Variants in BRIP1 observed in about 807,000 individuals in gnomAD.
BRIP1 encodes Fanconi anemia group J protein.
A neutral mutation model predicts 119.7 loss-of-function variants in BRIP1; 88 were observed. The ratio of observed to expected loss-of-function variants is 0.74; its 90% confidence interval spans 0.62 to 0.88. The LOEUF (loss-of-function observed/expected upper bound fraction) is 0.88, where lower values mean the gene tolerates loss of function less well. BRIP1 is among the 40% of genes least tolerant of loss of function. The pLI is 0.00. For missense variants in BRIP1, 1,259 were observed against 1,455.4 expected, an observed-to-expected ratio of 0.87 and a Z score of 2.20; for synonymous variants, 443 against 496.5, an observed-to-expected ratio of 0.89 and a Z score of 1.43.
In BRIP1 at chr17:61,780,737, C is replaced by T; in HGVS notation, c.1794+103G>A. The T allele has an allele frequency of 1.4e-6, 2 of 1,388,772 alleles. No individual in the cohort carries two copies. The highest frequency in any genetic ancestry group is 2.0e-6 in the Non-Finnish European group (2 of 981,268). 86.0% of individuals were successfully genotyped at this position (1,388,772 alleles called of 1,614,324 possible). A position where few individuals can be genotyped will look rare whatever the true frequency, so the allele number is the denominator to read the frequency against. Reference sequence around the variant, plus strand: ...GCAAGACCCTGCCTCAAAACAACAACAACAACAACAACAAACAACTATCTT... The same window carrying T: ...GCAAGACCCTGCCTCAAAACAACAATAACAACAACAACAAACAACTATCTT... On this transcript the variant is annotated intron_variant, in intron 12 of 19. Transcript: ENST00000259008. The surrounding 1 kb of genome is among the most constrained non-coding windows in gnomAD (Gnocchi z 5.4).
chr17:61,800,507 T>A (rs1242824230), intron 8 of BRIP1, among the ~76,000 whole-genome samples: 6 of 152,198 alleles, frequency 3.9e-5, no homozygotes, highest in African/African-American at 1.4e-4. Flanking sequence ...CAGGTCAGAC[T>A]ATTGAGCATC....
At position 61,844,796 on chromosome 17, in the gene BRIP1, G is replaced by A. The variant is rs1408795385; in HGVS notation, c.627+2305C>T. ...GATTAGGGCATTTGCCAGAACATGA[G>A]AATGCCTAGGCAGGATTTAGCTCTA... On this transcript the variant is annotated intron_variant, in intron 6 of 19. Coordinates refer to ENST00000259008, the MANE Select transcript of BRIP1 (RefSeq NM_032043.3). The surrounding 1 kb of genome is among the most constrained non-coding windows in gnomAD (Gnocchi z 4.7). Among the ~76,000 whole-genome samples the A allele has an allele frequency of 6.6e-6, 1 of 152,220 alleles. No individual in the cohort carries two copies. The highest frequency in any genetic ancestry group is 1.9e-4 in the East Asian group (1 of 5,204).
In BRIP1 at chr17:61,724,817, C is replaced by G. The variant is rs1416901589; in HGVS notation, c.2380-8754G>C. ...AAACTCTGCTTCAGAAAAATAAACA[C>G]ATTTGTCTAGCAAACACTTGAGTAG... On this transcript the variant is annotated intron_variant, in intron 16 of 19. Transcript: ENST00000259008. The surrounding 1 kb of genome is among the most constrained non-coding windows in gnomAD (Gnocchi z 5.1). Among the ~76,000 whole-genome samples the G allele has an allele frequency of 1.3e-5, 2 of 152,116 alleles. No homozygotes were observed. Among genetic ancestry groups the G allele is most frequent in the Non-Finnish European group, 2.9e-5 (2 of 67,996 alleles).
At chr17:61,766,663 G>A (rs1022361057) in intron 14 of BRIP1, among the ~76,000 whole-genome samples, 1 of 152,092 alleles carries the variant, frequency 6.6e-6, no homozygotes, top group Admixed American at 6.6e-5. Context: ...TACAGCTAGA[G>A]AGTGAACAGG....
intron 11 of BRIP1, among the ~76,000 whole-genome samples, chr17:61,783,122 T>C (rs1288260878): frequency 1.3e-5 from 2 of 152,160 alleles, no homozygotes; most frequent in African/African-American, 2.4e-5. Flanking sequence ...TTGTTTACAA[T>C]AGGCAAAAGA....
intron 10 of BRIP1, among the ~76,000 whole-genome samples, chr17:61,788,214 T>C (rs555126462): frequency 6.6e-6 from 1 of 152,238 alleles, no homozygotes; most frequent in South Asian, 2.1e-4. Context: ...AAAAATGTAA[T>C]TTTAAAAATA....
Position 61,846,054 on chromosome 17 carries a change from C to A in BRIP1, c.627+1047G>T, listed in dbSNP as rs1026562048. ...AAAATTAGCCAGGCGTGGTGGCAGG[C>A]GCCTGTAGTCCCAACTACTCGGGAG... On this transcript the variant is annotated intron_variant, in intron 6 of 19. Coordinates refer to ENST00000259008, the MANE Select transcript of BRIP1 (RefSeq NM_032043.3). The surrounding 1 kb of genome is among the most constrained non-coding windows in gnomAD (Gnocchi z 4.3). Among the ~76,000 whole-genome samples the A allele has an allele frequency of 6.6e-6, 1 of 151,776 alleles. No homozygotes were observed. Among genetic ancestry groups the A allele is most frequent in the African/African-American group, 2.4e-5 (1 of 41,302 alleles).
chr17:61,827,364 C>G lies in BRIP1; in HGVS notation c.628-18607G>C, dbSNP rs2078425351. On this transcript the variant is annotated intron_variant, in intron 6 of 19. Coordinates refer to ENST00000259008, the MANE Select transcript of BRIP1 (RefSeq NM_032043.3). The surrounding 1 kb of genome is among the most constrained non-coding windows in gnomAD (Gnocchi z 5.8). ...TGACAAAATAATCTGTACAACAAAC[C>G]ACTACCACACAAGTTTACCTATATA... 2.6e-5 allele frequency among the ~76,000 whole-genome samples: 4 copies of G among 152,004 alleles called. No individual in the cohort carries two copies. The highest frequency in any genetic ancestry group is 2.6e-4 in the Admixed American group (4 of 15,252).
In BRIP1 at chr17:61,770,570, G is replaced by A. The variant is rs2077433889; in HGVS notation, c.2097+5831C>T. On this transcript the variant is annotated intron_variant, in intron 14 of 19. Transcript: ENST00000259008. The surrounding 1 kb of genome is among the most constrained non-coding windows in gnomAD (Gnocchi z 4.7). The stretch of plus-strand genomic sequence containing the variant: ...GGTAATAATTGTAAATCTGTGTTGA[G>A]AGACATACAATGTGTAAAGATGTAA... 6.6e-6 allele frequency among the ~76,000 whole-genome samples: 1 copy of A among 152,028 alleles called. No homozygotes were observed. Among genetic ancestry groups the A allele is most frequent in the Non-Finnish European group, 1.5e-5 (1 of 67,994 alleles).
Position 61,853,639 on chromosome 17 carries a change from G to C in BRIP1, c.379+3419C>G, listed in dbSNP as rs139482009. ...ATAAAGACACAAAGGCAATGTAGTGGATAAAGGATAGCCTTTTCGATATAT... is the reference window on the plus strand; with the variant it reads ...ATAAAGACACAAAGGCAATGTAGTGCATAAAGGATAGCCTTTTCGATATAT... On this transcript the variant is annotated intron_variant, in intron 4 of 19. Coordinates refer to ENST00000259008, the MANE Select transcript of BRIP1 (RefSeq NM_032043.3). The surrounding 1 kb of genome is among the most constrained non-coding windows in gnomAD (Gnocchi z 4.3). Among the ~76,000 whole-genome samples, 1 of 152,138 alleles carries C rather than the reference G, an allele frequency of 6.6e-6. No individual in the cohort carries two copies. The highest frequency in any genetic ancestry group is 1.9e-4 in the East Asian group (1 of 5,190).
chr17:61,686,950 T>C lies in BRIP1; in HGVS notation c.2576-785A>G, dbSNP rs1049490050. 3.3e-5 allele frequency among the ~76,000 whole-genome samples: 5 copies of C among 152,312 alleles called. No individual in the cohort carries two copies. Among genetic ancestry groups the C allele is most frequent in the African/African-American group, 9.6e-5 (4 of 41,570 alleles). On this transcript the variant is annotated intron_variant, in intron 18 of 19. Transcript: ENST00000259008. This position sits in a 1 kb window ranked among gnomAD's most constrained non-coding sequence, Gnocchi z 5.4. The stretch of plus-strand genomic sequence containing the variant: ...GAGGAATTAGTTTTAAAAGTCACTA[T>C]AGGGTAAAAATTTAAGTTCTAGATT...
rs1392132985 is a variant in BRIP1 at position 61,735,459 on chromosome 17, A to G, written c.2379+7554T>C. On this transcript the variant is annotated intron_variant, in intron 16 of 19. Coordinates refer to ENST00000259008, the MANE Select transcript of BRIP1 (RefSeq NM_032043.3). The surrounding 1 kb of genome is among the most constrained non-coding windows in gnomAD (Gnocchi z 4.4). ...ACGAGGGGGCTTGTGAAAAGGCCACATGGCAAGAAACTGTGAATAGCTTCT... is the reference window on the plus strand; with the variant it reads ...ACGAGGGGGCTTGTGAAAAGGCCACGTGGCAAGAAACTGTGAATAGCTTCT... 6.6e-6 allele frequency among the ~76,000 whole-genome samples: 1 copy of G among 152,140 alleles called. No homozygotes were observed. Among genetic ancestry groups the G allele is most frequent in the Non-Finnish European group, 1.5e-5 (1 of 68,016 alleles).
At chr17:61,833,758 A>C (rs2078529027) in intron 6 of BRIP1, among the ~76,000 whole-genome samples, 1 of 152,126 alleles carries the variant, frequency 6.6e-6, no homozygotes, top group Non-Finnish European at 1.5e-5. Context: ...CCCCTAGGCA[A>C]ATTTGCAGAC....
intron 6 of BRIP1, among the ~76,000 whole-genome samples, chr17:61,812,603 TA>T (rs1047839005): frequency 4.1e-4 from 59 of 142,474 alleles, no homozygotes; most frequent in Admixed American, 2.8e-4. Context: ...ATACTATCAT[TA>T]AAAAAAAAAA....
intron 17 of BRIP1, among the ~76,000 whole-genome samples, chr17:61,694,946 C>G (rs978074917): frequency 6.7e-6 from 1 of 150,244 alleles, no homozygotes; most frequent in Non-Finnish European, 1.5e-5. Flanking sequence ...ACATGATTTA[C>G]AAATATTTTC....
chr17:61,840,280 C>A (rs1274367415), intron 6 of BRIP1, among the ~76,000 whole-genome samples: 1 of 150,070 alleles, frequency 6.7e-6, no homozygotes, highest in African/African-American at 2.5e-5. Flanking sequence ...ATCACTTGAA[C>A]CCAGGAGGCA....
At position 61,781,113 on chromosome 17, in the gene BRIP1, T is replaced by C. The variant is rs532780398; in HGVS notation, c.1629-108A>G. The C allele has an allele frequency of 1.5e-5, 14 of 963,904 alleles. No individual in the cohort carries two copies. In the Middle Eastern group the frequency reaches 1.3e-3, roughly 88 times the overall value. 59.7% of individuals were successfully genotyped at this position (963,904 alleles called of 1,614,324 possible). A position where few individuals can be genotyped will look rare whatever the true frequency, so the allele number is the denominator to read the frequency against. On this transcript the variant is annotated intron_variant, in intron 11 of 19. Transcript: ENST00000259008. ...ATTAAAACTCATTTGAAAGAGCTGG[T>C]ACCTTCCCATTCAAAAATAACATTC...
At position 61,816,621 on chromosome 17, in the gene BRIP1, C is replaced by CCTG. The variant is rs1397765214; in HGVS notation, c.628-7867_628-7865dup. 6.6e-6 allele frequency among the ~76,000 whole-genome samples: 1 copy of CCTG among 152,102 alleles called. No individual in the cohort carries two copies. The highest frequency in any genetic ancestry group is 2.4e-5 in the African/African-American group (1 of 41,412). ...ACAAGCATATCATAAAGATGACTGA[C>CCTG]CTGCTATAAAGCAAAAATTATCCTG... is the stretch of plus-strand genomic sequence containing the variant. On this transcript the variant is annotated intron_variant, in intron 6 of 19. Coordinates refer to ENST00000259008, the MANE Select transcript of BRIP1 (RefSeq NM_032043.3). The surrounding 1 kb of genome is among the most constrained non-coding windows in gnomAD (Gnocchi z 5.0).
chr17:61,835,882 C>T (rs924031241), intron 6 of BRIP1, among the ~76,000 whole-genome samples: 1 of 151,688 alleles, frequency 6.6e-6, no homozygotes, highest in African/African-American at 2.4e-5. Flanking sequence ...AAAATAAATC[C>T]CATAAACAAG....
Sources: gnomAD v4.1 joint callset for allele counts (sites outside exome capture counted in the v4.1 genomes callset) on GRCh38, gnomAD v4.1.1 for gene constraint, Gnocchi (gnomAD v3.1) non-coding constraint, MANE v1.5 for transcripts, NCBI Gene and HGNC (gene_info 2026-07-23, HGNC 2026-07-21) for gene names.